ARID4B: variants seen among roughly 807,000 people sequenced by gnomAD.
ARID4B encodes AT-rich interaction domain 4B.
Under a neutral mutation model 147.5 loss-of-function variants are expected in ARID4B, and 26 were observed. That is an observed-to-expected ratio of 0.18 (90% CI 0.13 to 0.24). The LOEUF is 0.24. Ranked by LOEUF, ARID4B falls within the 10% of genes least tolerant of loss-of-function variation. The pLI is 1.00. For missense variants in ARID4B, 1,179 were observed against 1,511.5 expected (o/e 0.78, Z 3.65); for synonymous variants, 512 against 507.9 (o/e 1.01, Z -0.11).
At chr1:235,250,175 T>C (rs942002519) in intron 6 of ARID4B, among the ~76,000 whole-genome samples, 2 of 152,050 alleles carry the variant, frequency 1.3e-5, no homozygotes, top group Admixed American at 1.3e-4. Flanking sequence ...ATGTGATCTC[T>C]TTCCATGAAA....
intron 17 of ARID4B, among the ~76,000 whole-genome samples, chr1:235,205,867 G>A (rs2102990086): frequency 6.6e-6 from 1 of 152,280 alleles, no homozygotes; most frequent in Non-Finnish European, 1.5e-5. Context: ...AACAAGTGTT[G>A]ACAAGGCTGC....
intron 6 of ARID4B, among the ~76,000 whole-genome samples, chr1:235,249,602 T>G (rs1160321890): frequency 2.0e-5 from 3 of 151,580 alleles, no homozygotes; most frequent in African/African-American, 7.3e-5. Context: ...GAGACCACCC[T>G]GGCTAACAGA....
chr1:235,252,544 AAAG>A (rs1669709359), intron 6 of ARID4B, among the ~76,000 whole-genome samples, 183 bp downstream of exon 6: 1 of 152,194 alleles, frequency 6.6e-6, no homozygotes, highest in Admixed American at 6.5e-5. Flanking sequence ...CATAGACAAA[AAAG>A]AAGACAGAAC....
At chr1:235,231,265 T>C (rs1668216582) in intron 9 of ARID4B, 76 bp from the exon 10 acceptor site, 2 of 768,642 alleles carry the variant, frequency 2.6e-6, no homozygotes, top group Admixed American at 6.1e-5. Context: ...ATCCAGATGA[T>C]TACATATCAC....
Position 235,182,439 on chromosome 1 carries a change from T to A in ARID4B, c.2480A>T (p.Tyr827Phe). The A allele has an allele frequency of 6.2e-7, 1 of 1,611,764 alleles. No individual in the cohort carries two copies. The highest frequency in any genetic ancestry group is 1.1e-5 in the South Asian group (1 of 90,302). ...KPQIKRGKRRYCNTEECLKTG... is the reference protein window; with the variant it reads ...KPQIKRGKRRFCNTEECLKTG... ...TTTTAGACACTCTTCTGTATTGCAA[T>A]ACCTTCTTTTACCACGTTTTATTTG... Residue 827 changes from tyrosine (Y) to phenylalanine (F), a missense_variant, in exon 20 of 24, where the codon TAT (tyrosine) becomes TTT (phenylalanine). Physicochemically the swap from Tyr to Phe is conservative, Grantham distance 22. Transcript: ENST00000264183.
chr1:235,173,609 C>T (rs887374003), intron 22 of ARID4B, among the ~76,000 whole-genome samples: 2 of 148,410 alleles, frequency 1.3e-5, no homozygotes, highest in African/African-American at 5.0e-5. Context: ...AAAAAATATA[C>T]ATATTGGCTG....
intron 2 of ARID4B, among the ~76,000 whole-genome samples, chr1:235,268,587 G>A (rs1489933174): frequency 6.6e-6 from 1 of 152,086 alleles, no homozygotes; most frequent in Non-Finnish European, 1.5e-5. Flanking sequence ...GGAGTGCAAT[G>A]GTGTGATATC....
rs914182220 is a variant in ARID4B, at chr1:235,243,087, A to AT, written c.447-2637dup. Among the ~76,000 whole-genome samples, 995 of 151,480 alleles carry AT rather than the reference A, an allele frequency of 6.6e-3. 16 individuals carry two copies. Among genetic ancestry groups the AT allele is most frequent in the Non-Finnish European group, 6.5e-3 (443 of 67,784 alleles). ...TCTCAAGTTGAAGATTTTTTAAGTA[A>AT]TTTTTTTTTGTTTATTGATATATCT... On this transcript the variant is annotated intron_variant, in intron 7 of 23. Transcript: ENST00000264183.
At chr1:235,216,095 T>G (rs181590901) in intron 16 of ARID4B, among the ~76,000 whole-genome samples, 139 of 151,742 alleles carry the variant, frequency 9.2e-4, no homozygotes, top group Middle Eastern at 3.4e-3. Context: ...GGGGCAGGAG[T>G]GTTGGCAGGA....
intron 7 of ARID4B, among the ~76,000 whole-genome samples, chr1:235,242,779 T>C (rs1206353330): frequency 6.6e-6 from 1 of 152,160 alleles, no homozygotes. Flanking sequence ...AGCTGAAACA[T>C]CTATCCACCT....
In ARID4B at chr1:235,260,733, T is replaced by C. The variant is rs756970390; in HGVS notation, c.26A>G (p.Tyr9Cys). 4.4e-6 allele frequency: 7 copies of C among 1,607,978 alleles called. No homozygotes were observed. The highest frequency in any genetic ancestry group is 2.2e-5 in the East Asian group (1 of 44,764). Reference protein sequence around the residue: MKALDEPPYLTVGTDVSAK... With the variant: MKALDEPPCLTVGTDVSAK... Reference sequence around the variant, plus strand: ...ACTCACATCAGTGCCCACTGTCAAATAGGGAGGCTCATCAAGGGCCTAAAA... The same window carrying C: ...ACTCACATCAGTGCCCACTGTCAAACAGGGAGGCTCATCAAGGGCCTAAAA... The change falls in exon 3 of 24, where the codon TAT becomes TGT. Residue 9 changes from tyrosine (Y) to cysteine (C), a missense_variant. Tyr to Cys is a radical substitution (Grantham distance 194). Around this residue, in one of 10 missense-constraint regions of ARID4B, gnomAD observed 56 missense variants for 99.2 expected, o/e 0.56. Coordinates refer to ENST00000264183, the MANE Select transcript of ARID4B (RefSeq NM_016374.6).
intron 17 of ARID4B, among the ~76,000 whole-genome samples, chr1:235,208,367 A>G (rs940362122): frequency 1.3e-5 from 2 of 152,236 alleles, no homozygotes; most frequent in African/African-American, 4.8e-5. Context: ...TAAAATATTA[A>G]CATCACTAAG....
At chr1:235,237,564 G>A (rs976719171) in intron 8 of ARID4B, among the ~76,000 whole-genome samples, 2 of 152,180 alleles carry the variant, frequency 1.3e-5, no homozygotes, top group Admixed American at 1.3e-4. Flanking sequence ...AATAAGACAT[G>A]TTGACTAAAA....
At chr1:235,201,894 G>GTAAAA (rs202134060) in intron 17 of ARID4B, among the ~76,000 whole-genome samples, 12 of 151,638 alleles carry the variant, frequency 7.9e-5, no homozygotes, top group African/African-American at 1.2e-4. Flanking sequence ...AAAAAAATAT[G>GTAAAA]TAAAATAAAA....
intron 2 of ARID4B, among the ~76,000 whole-genome samples, chr1:235,307,042 A>T (rs770508153): frequency 6.6e-6 from 1 of 152,212 alleles, no homozygotes; most frequent in Non-Finnish European, 1.5e-5. Flanking sequence ...CTACAATTGG[A>T]AAGCTTTTCA....
chr1:235,217,412 A>C lies in ARID4B; in HGVS notation c.1583+2381T>G, dbSNP rs527862391. Among the ~76,000 whole-genome samples, 9 of 152,268 alleles carry C rather than the reference A, an allele frequency of 5.9e-5. No individual in the cohort carries two copies. In the East Asian group the frequency reaches 1.7e-3, roughly 29 times the overall value. On this transcript the variant is annotated intron_variant, in intron 16 of 23. Transcript: ENST00000264183. ...TTAAGTTGATGCATACACTACATAC[A>C]TGCACTCATATACATACATACACTC... is the stretch of plus-strand genomic sequence containing the variant.
intron 2 of ARID4B, among the ~76,000 whole-genome samples, chr1:235,270,267 A>G (rs1670895378): frequency 6.6e-6 from 1 of 152,202 alleles, no homozygotes; most frequent in African/African-American, 2.4e-5. Flanking sequence ...CGGGCGACAG[A>G]GAGAGACTCC....
At chr1:235,204,297 G>A (rs1241719605) in intron 17 of ARID4B, among the ~76,000 whole-genome samples, 1 of 152,168 alleles carries the variant, frequency 6.6e-6, no homozygotes. Context: ...ACTCTAGCCT[G>A]GGTGACGGAG....
intron 2 of ARID4B, among the ~76,000 whole-genome samples, chr1:235,280,611 G>A (rs765941099): frequency 1.3e-5 from 2 of 152,242 alleles, no homozygotes; most frequent in African/African-American, 2.4e-5. Context: ...CAGGATCGCC[G>A]AAAGCACACC....
Sources: allele counts gnomAD v4.1 joint callset (sites outside exome capture counted in the v4.1 genomes callset), GRCh38; gene constraint gnomAD v4.1.1; regional missense constraint gnomAD v4.1.1; transcripts MANE v1.5; gene names NCBI Gene and HGNC (gene_info 2026-07-23, HGNC 2026-07-21).